Variants in MYO10 observed in about 807,000 individuals in gnomAD.
MYO10 encodes the protein unconventional myosin-X.
Under a neutral mutation model 257.3 loss-of-function variants are expected in MYO10, and 133 were observed. The ratio of observed to expected loss-of-function variants is 0.52; its 90% CI spans 0.45 to 0.60. The LOEUF (loss-of-function observed/expected upper bound fraction) is 0.60, where lower values mean the gene tolerates loss of function less well. Among genes scored for constraint, MYO10 ranks in the 20% least tolerant of loss-of-function variants. The pLI, the probability that MYO10 is intolerant of heterozygous loss-of-function variation, is 0.00. For synonymous variants in MYO10, 1,104 were observed against 1,028.6 expected (o/e 1.07, Z -1.40); for missense variants, 2,399 against 2,635.7 (o/e 0.91, Z 1.97).
intron 1 of MYO10, among the ~76,000 whole-genome samples, chr5:16,897,608 A>G (rs968611541): frequency 6.6e-6 from 1 of 152,202 alleles, no homozygotes; most frequent in African/African-American, 2.4e-5. Flanking sequence ...CCCACGGTCT[A>G]AACTCTTTGT....
intron 16 of MYO10, among the ~76,000 whole-genome samples, 163 bp from the exon 17 acceptor site, chr5:16,761,709 G>A (rs1000708409): frequency 3.9e-5 from 6 of 152,108 alleles, no homozygotes; most frequent in African/African-American, 7.2e-5. Context: ...GAAGTGCAGT[G>A]ACGTGATCAT....
At chr5:16,708,600 C>T (rs562384253) in intron 21 of MYO10, among the ~76,000 whole-genome samples, 5 of 152,286 alleles carry the variant, frequency 3.3e-5, no homozygotes, top group South Asian at 4.1e-4. Context: ...TTCACTCTGT[C>T]GCCCAGGTTG....
intron 26 of MYO10, among the ~76,000 whole-genome samples, chr5:16,695,691 C>G (rs1737714840): frequency 6.6e-6 from 1 of 152,138 alleles, no homozygotes; most frequent in Non-Finnish European, 1.5e-5. Context: ...TGACACACAT[C>G]TGTTATTATA....
intron 9 of MYO10, among the ~76,000 whole-genome samples, chr5:16,775,631 C>T (rs1741190174): frequency 6.6e-6 from 1 of 152,124 alleles, no homozygotes; most frequent in South Asian, 2.1e-4. Flanking sequence ...GAGACAGAGT[C>T]TTGCTCTGTC....
At chr5:16,868,036 C>CT (rs1452615557) in intron 2 of MYO10, among the ~76,000 whole-genome samples, 1 of 152,180 alleles carries the variant, frequency 6.6e-6, no homozygotes, top group African/African-American at 2.4e-5. Flanking sequence ...ATAACTACCC[C>CT]TTAAAATACA....
At chr5:16,769,816 A>G (rs1294781532) in intron 9 of MYO10, among the ~76,000 whole-genome samples, 1 of 152,262 alleles carries the variant, frequency 6.6e-6, no homozygotes, top group Non-Finnish European at 1.5e-5. Flanking sequence ...AGTCATGACA[A>G]CAATAAAGAA....
chr5:16,806,854 G>C (rs527275940), intron 3 of MYO10, among the ~76,000 whole-genome samples: 38 of 151,982 alleles, frequency 2.5e-4, no homozygotes, highest in South Asian at 4.2e-4. Context: ...TCACTCCCCC[G>C]GGACTAAGAT....
chr5:16,842,085 T>C lies in MYO10; in HGVS notation c.121-23918A>G, dbSNP rs187087813. ...GGTGGCACAGATATTCTTGGTTTCA[T>C]AGTATAAAGTAAAACTTTAAAAAGA... On this transcript the variant is annotated intron_variant, in intron 2 of 40. Coordinates refer to ENST00000513610, the MANE Select transcript of MYO10 (RefSeq NM_012334.3). Among the ~76,000 whole-genome samples the C allele has an allele frequency of 2.4e-3, 360 of 152,240 alleles. 1 individual carries two copies. The highest frequency in any genetic ancestry group is 4.3e-3 in the Non-Finnish European group (292 of 68,020).
chr5:16,924,486 C>A (rs944252745), intron 1 of MYO10, among the ~76,000 whole-genome samples: 1 of 152,068 alleles, frequency 6.6e-6, no homozygotes, highest in Non-Finnish European at 1.5e-5. Flanking sequence ...CCAAATAATC[C>A]AAATAAGAAT....
rs1736041732 is a variant in MYO10 at position 16,663,325 on chromosome 5, GTTGTTTTTTTTTTTTTTTTTTT to G, written c.*3345_*3366del. The G allele has an allele frequency of 2.4e-5, 1 of 41,304 alleles. No individual in the cohort carries two copies. The highest frequency in any genetic ancestry group is 4.2e-5 in the Non-Finnish European group (1 of 23,536). The allele number at this position is 41,304 out of a possible 1,614,324, so 2.6% of individuals were successfully genotyped here. A position where few individuals can be genotyped will look rare whatever the true frequency, so the allele number is the denominator to read the frequency against. On this transcript the variant is annotated 3_prime_UTR_variant, in exon 41 of 41. Transcript: ENST00000513610. Reference sequence around the variant, plus strand: ...GGAAAAAAGTAACATTTTACTTCTAGTTGTTTTTTTTTTTTTTTTTTTTTTTTTTTTTTTTTTTTTTTACAAA... The same window carrying G: ...GGAAAAAAGTAACATTTTACTTCTAGTTTTTTTTTTTTTTTTTTTTACAAA...
intron 19 of MYO10, among the ~76,000 whole-genome samples, chr5:16,753,691 A>T (rs1157596703): frequency 7.1e-6 from 1 of 141,368 alleles, no homozygotes; most frequent in Non-Finnish European, 1.5e-5. Context: ...GGCTGGTCTC[A>T]AATTCCTGAC....
At chr5:16,685,711 C>A (rs781014884) in intron 29 of MYO10, 27 bp downstream of exon 29, 26 of 1,508,170 alleles carry the variant, frequency 1.7e-5, no homozygotes, top group East Asian at 2.4e-5. Flanking sequence ...AGACGCCCCA[C>A]CCCCATCCCA....
At chr5:16,691,198 A>G (rs1264214066) in intron 27 of MYO10, among the ~76,000 whole-genome samples, 2 of 150,718 alleles carry the variant, frequency 1.3e-5, no homozygotes, top group Non-Finnish European at 2.9e-5. Context: ...TGAACCCAGG[A>G]GGTGGAGCTT....
intron 9 of MYO10, among the ~76,000 whole-genome samples, chr5:16,771,233 T>C (rs1461840446): frequency 1.3e-5 from 2 of 152,046 alleles, no homozygotes; most frequent in African/African-American, 4.8e-5. Flanking sequence ...ATCGAACATG[T>C]ACAAATTAAG....
intron 2 of MYO10, among the ~76,000 whole-genome samples, chr5:16,831,232 T>G (rs1027737102): frequency 3.9e-5 from 6 of 152,158 alleles, no homozygotes; most frequent in African/African-American, 1.4e-4. Flanking sequence ...AATGTTGTCA[T>G]GGATGCGGTG....
chr5:16,857,098 T>G (rs1024103264), intron 2 of MYO10, among the ~76,000 whole-genome samples: 1 of 152,216 alleles, frequency 6.6e-6, no homozygotes, highest in Non-Finnish European at 1.5e-5. Flanking sequence ...TCTGAAATAC[T>G]TCGAGGAGGA....
At chr5:16,736,793 C>T (rs1739822244) in intron 19 of MYO10, among the ~76,000 whole-genome samples, 1 of 152,200 alleles carries the variant, frequency 6.6e-6, no homozygotes, top group African/African-American at 2.4e-5. Context: ...CCTCAAACCA[C>T]AATTAGCATA....
At chr5:16,822,836 C>T (rs947148798) in intron 2 of MYO10, among the ~76,000 whole-genome samples, 49 of 151,812 alleles carry the variant, frequency 3.2e-4, no homozygotes, top group African/African-American at 1.2e-3. Context: ...TACAGGCGCC[C>T]GCAACCACGC....
chr5:16,857,002 TAA>T (rs1000319965), intron 2 of MYO10, among the ~76,000 whole-genome samples: 1 of 152,238 alleles, frequency 6.6e-6, no homozygotes, highest in African/African-American at 2.4e-5. Flanking sequence ...TGGCAAATGA[TAA>T]GTTAACGATT....
Sources: gnomAD v4.1 joint callset for allele counts (sites outside exome capture counted in the v4.1 genomes callset) on GRCh38, gnomAD v4.1.1 for gene constraint, MANE v1.5 for transcripts, NCBI Gene and HGNC (gene_info 2026-07-23, HGNC 2026-07-21) for gene names.